The following EXOC6B variants were observed in gnomAD, a reference collection of about 807,000 sequenced individuals.
The protein encoded by EXOC6B is SEC15 homolog B.
EXOC6B carries 54 observed loss-of-function variants against 113.5 expected under a neutral mutation model. The ratio of observed to expected loss-of-function variants is 0.48; its 90% CI spans 0.38 to 0.60. EXOC6B has a LOEUF of 0.60. Ranked by LOEUF, EXOC6B falls within the 20% of genes least tolerant of loss-of-function variation. The pLI, the probability that EXOC6B is intolerant of heterozygous loss-of-function variation, is 0.00. For synonymous variants in EXOC6B, 357 were observed against 339.0 expected (o/e 1.05, Z -0.58); for missense variants, 797 against 977.5 (o/e 0.82, Z 2.46).
chr2:72,189,805 T>C (rs1280941802), intron 20 of EXOC6B, among the ~76,000 whole-genome samples: 2 of 140,108 alleles, frequency 1.4e-5, no homozygotes, highest in Non-Finnish European at 1.6e-5. Context: ...TCCTTCTTTC[T>C]CTTTCTCTTT....
intron 1 of EXOC6B, among the ~76,000 whole-genome samples, chr2:72,790,814 C>T (rs1006634837): frequency 6.6e-6 from 1 of 152,066 alleles, no homozygotes; most frequent in African/African-American, 2.4e-5. Context: ...ATTAACCATA[C>T]TTTCTGAACT....
At chr2:72,306,836 G>T (rs1383570439) in intron 20 of EXOC6B, among the ~76,000 whole-genome samples, 5 of 152,120 alleles carry the variant, frequency 3.3e-5, no homozygotes, top group Non-Finnish European at 4.4e-5. Flanking sequence ...GAAAAAACAT[G>T]ATAATAGTTC....
At chr2:72,525,018 A>C (rs1477904959) in intron 8 of EXOC6B, among the ~76,000 whole-genome samples, 1 of 152,224 alleles carries the variant, frequency 6.6e-6, no homozygotes, top group African/African-American at 2.4e-5. Context: ...AGGTTCCCTT[A>C]TAACCTGTTT....
At chr2:72,509,345 C>G (rs1173011170) in intron 11 of EXOC6B, among the ~76,000 whole-genome samples, 1 of 152,078 alleles carries the variant, frequency 6.6e-6, no homozygotes, top group Non-Finnish European at 1.5e-5. Flanking sequence ...TTACAGTAGC[C>G]TGAGCCCACT....
chr2:72,543,031 T>G (rs1351080878), intron 8 of EXOC6B, among the ~76,000 whole-genome samples: 1 of 152,118 alleles, frequency 6.6e-6, no homozygotes, highest in Non-Finnish European at 1.5e-5. Context: ...GGAAGAAATT[T>G]GGTATTATTT....
intron 6 of EXOC6B, among the ~76,000 whole-genome samples, chr2:72,681,379 C>A (rs1010264962): frequency 1.3e-5 from 2 of 152,160 alleles, no homozygotes; most frequent in Non-Finnish European, 2.9e-5. Flanking sequence ...TGGTATCATA[C>A]TATAATCACT....
At chr2:72,279,251 G>C (rs1365469374) in intron 20 of EXOC6B, among the ~76,000 whole-genome samples, 5 of 152,164 alleles carry the variant, frequency 3.3e-5, no homozygotes, top group Admixed American at 6.5e-5. Context: ...GAAGTGAAGA[G>C]TCCTGTGGTC....
intron 18 of EXOC6B, among the ~76,000 whole-genome samples, chr2:72,428,499 C>G (rs1695335087): frequency 6.6e-6 from 1 of 152,204 alleles, no homozygotes; most frequent in Non-Finnish European, 1.5e-5. Flanking sequence ...CGTGTGGCAG[C>G]AGCAGACAAG....
At chr2:72,576,558 G>T (rs549055809) in intron 6 of EXOC6B, among the ~76,000 whole-genome samples, 15 of 152,036 alleles carry the variant, frequency 9.9e-5, no homozygotes, top group South Asian at 4.1e-4. Context: ...TCAAAGTATG[G>T]TCTCCTAAAT....
At chr2:72,784,340 C>T (rs924699762) in intron 1 of EXOC6B, among the ~76,000 whole-genome samples, 2 of 152,056 alleles carry the variant, frequency 1.3e-5, no homozygotes, top group African/African-American at 4.8e-5. Context: ...TTTTTTGGTT[C>T]CACATGAATT....
chr2:72,569,975 C>CTGTGTTATGACTAAAT (rs34208608), intron 7 of EXOC6B, among the ~76,000 whole-genome samples: 2 of 152,096 alleles, frequency 1.3e-5, no homozygotes, highest in Non-Finnish European at 2.9e-5. Context: ...TCCAAACACC[C>CTGTGTTATGACTAAAT]TGTGTTATGA....
intron 18 of EXOC6B, among the ~76,000 whole-genome samples, chr2:72,385,070 A>T (rs1691918486): frequency 6.6e-6 from 1 of 152,200 alleles, no homozygotes; most frequent in Non-Finnish European, 1.5e-5. Flanking sequence ...TTTAACAGAA[A>T]TAACAAAGAT....
At chr2:72,500,434 T>C (rs975391590) in intron 11 of EXOC6B, among the ~76,000 whole-genome samples, 2 of 151,866 alleles carry the variant, frequency 1.3e-5, no homozygotes, top group African/African-American at 2.4e-5. Context: ...CAATGAACCA[T>C]AAGTAAATGA....
intron 1 of EXOC6B, among the ~76,000 whole-genome samples, chr2:72,794,771 A>C (rs1684853555): frequency 6.6e-6 from 1 of 152,234 alleles, no homozygotes; most frequent in Non-Finnish European, 1.5e-5. Flanking sequence ...AAATACATAA[A>C]ATAGGAAATA....
At chr2:72,478,789 C>T (rs1269937614) in intron 17 of EXOC6B, among the ~76,000 whole-genome samples, 2 of 152,342 alleles carry the variant, frequency 1.3e-5, no homozygotes, top group East Asian at 3.9e-4. Flanking sequence ...GTGGATACCA[C>T]ATATTCTTCT....
intron 8 of EXOC6B, among the ~76,000 whole-genome samples, chr2:72,541,101 T>G (rs1467412231): frequency 2.0e-5 from 3 of 152,216 alleles, no homozygotes; most frequent in Non-Finnish European, 2.9e-5. Flanking sequence ...TCATGGAGGC[T>G]GGTCTTTCCC....
At chr2:72,669,155 C>A (rs1177893382) in intron 6 of EXOC6B, among the ~76,000 whole-genome samples, 1 of 151,782 alleles carries the variant, frequency 6.6e-6, no homozygotes, top group African/African-American at 2.4e-5. Flanking sequence ...AAGTCACATT[C>A]AAATATGGAA....
chr2:72,569,823 AT>A (rs943368015), intron 7 of EXOC6B, among the ~76,000 whole-genome samples: 16 of 152,244 alleles, frequency 1.1e-4, no homozygotes, highest in African/African-American at 3.9e-4. Flanking sequence ...CACAACCACT[AT>A]TTTTTTACAA....
intron 20 of EXOC6B, among the ~76,000 whole-genome samples, chr2:72,283,146 T>A (rs1238600204): frequency 6.6e-6 from 1 of 152,092 alleles, no homozygotes; most frequent in South Asian, 2.1e-4. Context: ...AAATATACCA[T>A]ATGCTAAGCC....
Sources: allele counts gnomAD v4.1 joint callset (sites outside exome capture counted in the v4.1 genomes callset), GRCh38; gene constraint gnomAD v4.1.1; transcripts MANE v1.5; gene names NCBI Gene and HGNC (gene_info 2026-07-23, HGNC 2026-07-21).